Variants in TEAD1 observed in about 807,000 individuals in gnomAD.
The protein encoded by TEAD1 is TEA domain transcription factor 1, also known as transcriptional enhancer factor TEF-1.
Under a neutral mutation model 54.9 loss-of-function variants are expected in TEAD1, and 9 were observed. That is an observed-to-expected ratio of 0.16 (90% confidence interval 0.10 to 0.29). TEAD1 has a LOEUF of 0.29. Among genes scored for constraint, TEAD1 ranks in the 10% least tolerant of loss-of-function variants. The pLI, the probability that TEAD1 is intolerant of heterozygous loss-of-function variation, is 1.00. For missense variants in TEAD1, 387 were observed against 535.9 expected (o/e 0.72, Z 2.74); for synonymous variants, 200 against 187.8 (o/e 1.07, Z -0.53).
At chr11:12,746,294 T>C (rs1191624771) in intron 2 of TEAD1, among the ~76,000 whole-genome samples, 1 of 152,188 alleles carries the variant, frequency 6.6e-6, no homozygotes, top group Non-Finnish European at 1.5e-5. Context: ...CTCTTCTACA[T>C]AAACCTAATT....
chr11:12,724,057 A>G (rs1590086542), intron 2 of TEAD1, among the ~76,000 whole-genome samples: 1 of 152,238 alleles, frequency 6.6e-6, no homozygotes, highest in Middle Eastern at 3.4e-3. Flanking sequence ...TCCCCTTTGC[A>G]GTGGTGCTCA....
intron 5 of TEAD1, among the ~76,000 whole-genome samples, chr11:12,873,324 T>TAAATCCCAGG (rs371599170): frequency 5.3e-4 from 81 of 152,334 alleles, no homozygotes; most frequent in African/African-American, 1.9e-3. Context: ...GAAGCTGTCC[T>TAAATCCCAGG]AAATCCCAGG....
chr11:12,684,053 C>A (rs1288380513), intron 2 of TEAD1, among the ~76,000 whole-genome samples: 1 of 152,096 alleles, frequency 6.6e-6, no homozygotes, highest in East Asian at 1.9e-4. Flanking sequence ...GATTTTCTGC[C>A]AAGTCACCCT....
At position 12,938,642 on chromosome 11, in the gene TEAD1, G is replaced by C. The variant is rs1949131373; in HGVS notation, c.*1420G>C. 6.6e-6 allele frequency: 1 copy of C among 152,186 alleles called. No homozygotes were observed. The highest frequency in any genetic ancestry group is 1.5e-5 in the Non-Finnish European group (1 of 68,038). The allele number at this position is 152,186 out of a possible 1,614,324, so 9.4% of individuals were successfully genotyped here. A position where few individuals can be genotyped will look rare whatever the true frequency, so the allele number is the denominator to read the frequency against. ...TTAAGAGGCCCAGCTACCTATCTCTGACCTTTTCAAATAGGCTCATTTGGG... is the reference window on the plus strand; with the variant it reads ...TTAAGAGGCCCAGCTACCTATCTCTCACCTTTTCAAATAGGCTCATTTGGG... On this transcript the variant is annotated 3_prime_UTR_variant, in exon 13 of 13. Transcript: ENST00000527636.
intron 4 of TEAD1, among the ~76,000 whole-genome samples, chr11:12,864,376 G>A (rs1309829616): frequency 2.0e-5 from 3 of 152,044 alleles, no homozygotes; most frequent in African/African-American, 7.2e-5. Context: ...CCCAAAATTA[G>A]TTTTTCCCAG....
In TEAD1 at chr11:12,763,114, A is replaced by G. The variant is rs150470910; in HGVS notation, c.-54-1065A>G. 5.0e-3 allele frequency among the ~76,000 whole-genome samples: 761 copies of G among 152,318 alleles called. 3 individuals carry two copies. The highest frequency in any genetic ancestry group is 0.017 in the African/African-American group (719 of 41,568). ...TATGTTAGTGTGCCAGACAGCAGGG[A>G]GTACTGGATTAGATCATTTTCACAT... On this transcript the variant is annotated intron_variant, in intron 2 of 12. Coordinates refer to ENST00000527636, the MANE Select transcript of TEAD1 (RefSeq NM_021961.6).
chr11:12,830,600 G>A (rs73425642), intron 3 of TEAD1, among the ~76,000 whole-genome samples: 6,900 of 152,076 alleles, frequency 0.045, 568 homozygotes, highest in African/African-American at 0.16. Context: ...TGCTGCTCAC[G>A]TGGTCTTAAT....
At chr11:12,678,681 G>A (rs1018829158) in intron 2 of TEAD1, among the ~76,000 whole-genome samples, 5 of 152,144 alleles carry the variant, frequency 3.3e-5, no homozygotes, top group Non-Finnish European at 4.4e-5. Flanking sequence ...CTCTTCTTGG[G>A]ATAGTTTGTG....
intron 9 of TEAD1, among the ~76,000 whole-genome samples, chr11:12,896,439 A>G (rs1393437868): frequency 6.6e-6 from 1 of 152,222 alleles, no homozygotes; most frequent in Non-Finnish European, 1.5e-5. Context: ...AACAAGTTGC[A>G]AGGAAGGTCA....
chr11:12,793,261 C>T (rs1423087225), intron 3 of TEAD1, among the ~76,000 whole-genome samples: 3 of 151,832 alleles, frequency 2.0e-5, no homozygotes, highest in African/African-American at 7.3e-5. Flanking sequence ...GGACCAATTC[C>T]AAGAAGTGGA....
At chr11:12,913,336 T>C (rs1184524912) in intron 10 of TEAD1, among the ~76,000 whole-genome samples, 1 of 152,186 alleles carries the variant, frequency 6.6e-6, no homozygotes, top group Non-Finnish European at 1.5e-5. Flanking sequence ...GAAAAGAATA[T>C]AGAATAAAAA....
At chr11:12,706,775 T>A (rs1348501762) in intron 2 of TEAD1, among the ~76,000 whole-genome samples, 1 of 152,150 alleles carries the variant, frequency 6.6e-6, no homozygotes, top group African/African-American at 2.4e-5. Flanking sequence ...CTTCTACGGT[T>A]CATGAGCGTT....
chr11:12,918,152 C>T (rs575681240), intron 10 of TEAD1, among the ~76,000 whole-genome samples: 7 of 152,114 alleles, frequency 4.6e-5, no homozygotes, highest in Admixed American at 2.6e-4. Context: ...GGAGGGGGGA[C>T]GTGTCAGTAG....
chr11:12,730,431 T>TG (rs1159425891), intron 2 of TEAD1, among the ~76,000 whole-genome samples: 1 of 148,074 alleles, frequency 6.8e-6, no homozygotes. Flanking sequence ...TTTTTTTTTT[T>TG]TTTTTTTTTT....
intron 2 of TEAD1, among the ~76,000 whole-genome samples, chr11:12,700,940 G>A (rs757920097): frequency 1.3e-5 from 2 of 152,106 alleles, no homozygotes; most frequent in African/African-American, 2.4e-5. Context: ...TGTGATGGTC[G>A]GTGAGAGAGA....
At chr11:12,907,237 A>G (rs1380071271) in intron 10 of TEAD1, among the ~76,000 whole-genome samples, 1 of 152,212 alleles carries the variant, frequency 6.6e-6, no homozygotes, top group Admixed American at 6.5e-5. Context: ...GGGTGTGTGT[A>G]ACGTATGCTT....
At chr11:12,723,918 C>G (rs1252459777) in intron 2 of TEAD1, among the ~76,000 whole-genome samples, 8 of 152,188 alleles carry the variant, frequency 5.3e-5, no homozygotes, top group Non-Finnish European at 1.2e-4. Flanking sequence ...TAAGTTTGTT[C>G]TTTCTGGAAT....
chr11:12,798,535 C>T (rs1945984511), intron 3 of TEAD1, among the ~76,000 whole-genome samples: 1 of 152,196 alleles, frequency 6.6e-6, no homozygotes, highest in African/African-American at 2.4e-5. Flanking sequence ...CACTCCTCTG[C>T]ACCCAGTCGG....
At chr11:12,774,831 T>C (rs1023145242) in intron 3 of TEAD1, among the ~76,000 whole-genome samples, 1 of 152,086 alleles carries the variant, frequency 6.6e-6, no homozygotes, top group Non-Finnish European at 1.5e-5. Context: ...GGAGAACACA[T>C]GGACACCGAC....
Sources: allele counts gnomAD v4.1 joint callset (sites outside exome capture counted in the v4.1 genomes callset), GRCh38; gene constraint gnomAD v4.1.1; transcripts MANE v1.5; gene names NCBI Gene and HGNC (gene_info 2026-07-23, HGNC 2026-07-21).